Variants in SRBD1 observed in about 807,000 individuals in gnomAD.
The protein encoded by SRBD1 is S1 RNA-binding domain-containing protein 1.
A neutral mutation model predicts 115.3 loss-of-function variants in SRBD1; 88 were observed. The observed-to-expected ratio is 0.76, with a 90% CI of 0.64 to 0.91. The LOEUF is 0.91. Among genes scored for constraint, SRBD1 ranks in the 40% least tolerant of loss-of-function variants. SRBD1 has a pLI of 0.00. For missense variants in SRBD1, 1,385 were observed against 1,177.4 expected (o/e 1.18, Z -2.58); for synonymous variants, 509 against 407.7 (o/e 1.25, Z -2.99).
chr2:45,611,000 G>A (rs1367865725), intron 1 of SRBD1, among the ~76,000 whole-genome samples: 4 of 152,104 alleles, frequency 2.6e-5, no homozygotes, highest in African/African-American at 9.7e-5. Flanking sequence ...CAATTTGGCT[G>A]AAAAGAGGTG....
intron 17 of SRBD1, 25 bp from the exon 18 acceptor site, chr2:45,418,566 G>A (rs777647102): frequency 3.4e-6 from 5 of 1,478,544 alleles, no homozygotes; most frequent in Non-Finnish European, 4.5e-6. Flanking sequence ...TAAGCAAACT[G>A]AAAAAAAGAT....
chr2:45,456,669 A>C (rs1171449655), intron 16 of SRBD1, among the ~76,000 whole-genome samples: 1 of 151,898 alleles, frequency 6.6e-6, no homozygotes, highest in Admixed American at 6.6e-5. Flanking sequence ...CAGTTGAGTA[A>C]ATTTTAATTT....
In SRBD1 at chr2:45,413,112, A is replaced by C. The variant is rs1558561430; in HGVS notation, c.2513+2T>G. On this transcript the variant is annotated splice_donor_variant, in intron 19 of 20. Coordinates refer to ENST00000263736, the MANE Select transcript of SRBD1 (RefSeq NM_018079.5). LOFTEE classifies it high-confidence loss of function. Reference sequence around the variant, plus strand: ...GAATTCCCACATGGGCCTCAGACTTACCTCATTGCTATGTCATATGATTCT... The same window carrying C: ...GAATTCCCACATGGGCCTCAGACTTCCCTCATTGCTATGTCATATGATTCT... The C allele has an allele frequency of 1.2e-6, 2 of 1,612,648 alleles. No homozygotes were observed. Among genetic ancestry groups the C allele is most frequent in the South Asian group, 1.1e-5 (1 of 90,688 alleles).
At chr2:45,431,403 A>G (rs1668332147) in intron 16 of SRBD1, among the ~76,000 whole-genome samples, 3 of 152,192 alleles carry the variant, frequency 2.0e-5, no homozygotes, top group African/African-American at 7.2e-5. Flanking sequence ...CCCATCAATG[A>G]TAGACTGGAT....
At chr2:45,436,615 G>C (rs887083196) in intron 16 of SRBD1, among the ~76,000 whole-genome samples, 25 of 152,314 alleles carry the variant, frequency 1.6e-4, no homozygotes, top group Non-Finnish European at 3.1e-4. Flanking sequence ...AGGTGAGAGA[G>C]AGTGTGTGTC....
intron 16 of SRBD1, among the ~76,000 whole-genome samples, chr2:45,461,160 T>C (rs1232842641): frequency 2.0e-5 from 3 of 152,154 alleles, no homozygotes; most frequent in Non-Finnish European, 2.9e-5. Flanking sequence ...TTAGAGTAAA[T>C]GTAGGGATCT....
At chr2:45,519,501 A>C (rs1490905201) in intron 14 of SRBD1, among the ~76,000 whole-genome samples, 1 of 152,164 alleles carries the variant, frequency 6.6e-6, no homozygotes, top group African/African-American at 2.4e-5. Flanking sequence ...ATTAAGCATG[A>C]TTTTCATTGT....
At chr2:45,430,424 T>C (rs1239583668) in intron 16 of SRBD1, among the ~76,000 whole-genome samples, 1 of 152,274 alleles carries the variant, frequency 6.6e-6, no homozygotes, top group Middle Eastern at 3.4e-3. Context: ...CAAAACAGCA[T>C]GGTACTGGTA....
rs560792190 is a variant in SRBD1, at chr2:45,410,101, A to C, written c.2513+3013T>G. Among the ~76,000 whole-genome samples, 3 of 152,378 alleles carry C rather than the reference A, an allele frequency of 2.0e-5. No individual in the cohort carries two copies. The East Asian group carries it at 5.8e-4, about 29-fold the overall frequency. Reference sequence around the variant, plus strand: ...AATTAGAAAATGGCCAAATAATATGAACAAATATTTCACAAAGAAGATATA... The same window carrying C: ...AATTAGAAAATGGCCAAATAATATGCACAAATATTTCACAAAGAAGATATA... On this transcript the variant is annotated intron_variant, in intron 19 of 20. Transcript: ENST00000263736.
At chr2:45,567,155 T>C (rs1406172108) in intron 9 of SRBD1, among the ~76,000 whole-genome samples, 1 of 152,224 alleles carries the variant, frequency 6.6e-6, no homozygotes, top group African/African-American at 2.4e-5. Context: ...CGCGTATTTT[T>C]TTGTAACTTT....
intron 15 of SRBD1, among the ~76,000 whole-genome samples, chr2:45,485,859 GA>G (rs758199871): frequency 7.9e-5 from 12 of 152,142 alleles, no homozygotes; most frequent in East Asian, 1.9e-4. Flanking sequence ...GAATTGAAAA[GA>G]AAGTGGACTC....
intron 1 of SRBD1, among the ~76,000 whole-genome samples, chr2:45,610,433 A>T (rs988226482): frequency 1.3e-5 from 2 of 152,250 alleles, no homozygotes; most frequent in African/African-American, 4.8e-5. Context: ...ACCTGAGATC[A>T]GACAGTCCCG....
At chr2:45,409,048 G>A (rs1262486024) in intron 19 of SRBD1, among the ~76,000 whole-genome samples, 2 of 151,996 alleles carry the variant, frequency 1.3e-5, no homozygotes, top group East Asian at 3.9e-4. Context: ...GTGAAGCCCC[G>A]TTTCTACTAA....
At chr2:45,404,800 A>T (rs2103839069) in intron 19 of SRBD1, among the ~76,000 whole-genome samples, 1 of 152,136 alleles carries the variant, frequency 6.6e-6, no homozygotes, top group African/African-American at 2.4e-5. Context: ...TAGCCTCCCA[A>T]TGCCCTTTTG....
rs1197769711 is a variant in SRBD1 at position 45,485,628 on chromosome 2, T to C, written c.1966+2612A>G. Among the ~76,000 whole-genome samples the C allele has an allele frequency of 3.3e-5, 5 of 152,338 alleles. No individual in the cohort carries two copies. The East Asian group carries it at 9.6e-4, about 29-fold the overall frequency. On this transcript the variant is annotated intron_variant, in intron 15 of 20. Transcript: ENST00000263736. ...AAGACAACTTCTGTTTTCAATAAGC[T>C]GATAAACTGGCCAGTGAGATGTAGT...
chr2:45,418,398 C>G lies in SRBD1; in HGVS notation c.2300G>C (p.Arg767Thr). 6.2e-7 allele frequency: 1 copy of G among 1,613,850 alleles called. No individual in the cohort carries two copies. Among genetic ancestry groups the G allele is most frequent in the South Asian group, 1.1e-5 (1 of 91,062 alleles). ...KSFQQCAGFI[R>T]INQDYIRTFC... Reference sequence around the variant, plus strand: ...CGTTCGGATATAATCCTGGTTGATTCTGATGAAGCCAGCACACTGTTGGAA... The same window carrying G: ...CGTTCGGATATAATCCTGGTTGATTGTGATGAAGCCAGCACACTGTTGGAA... The change falls in exon 18 of 21, where the codon AGA becomes ACA. Residue 767 changes from arginine to threonine, a missense_variant. Coordinates refer to ENST00000263736, the MANE Select transcript of SRBD1 (RefSeq NM_018079.5).
At chr2:45,435,601 T>C (rs1668471853) in intron 16 of SRBD1, among the ~76,000 whole-genome samples, 1 of 148,872 alleles carries the variant, frequency 6.7e-6, no homozygotes, top group South Asian at 2.1e-4. Flanking sequence ...GCCTGTGAGT[T>C]GGCAGCTACC....
intron 1 of SRBD1, among the ~76,000 whole-genome samples, chr2:45,610,453 G>A (rs1674409864): frequency 6.6e-6 from 1 of 152,186 alleles, no homozygotes; most frequent in South Asian, 2.1e-4. Flanking sequence ...GCTATATTCA[G>A]AAATCTGAGA....
chr2:45,519,298 C>A (rs1312865792), intron 14 of SRBD1, among the ~76,000 whole-genome samples: 1 of 152,136 alleles, frequency 6.6e-6, no homozygotes, highest in Non-Finnish European at 1.5e-5. Context: ...CTAAACTATA[C>A]AACATGGGGA....
Sources: gnomAD v4.1 joint callset for allele counts (sites outside exome capture counted in the v4.1 genomes callset) on GRCh38, gnomAD v4.1.1 for gene constraint, MANE v1.5 for transcripts, NCBI Gene and HGNC (gene_info 2026-07-23, HGNC 2026-07-21) for gene names.